Variants in AVL9 observed in about 807,000 individuals in gnomAD.
AVL9 encodes late secretory pathway protein AVL9 homolog.
Under a neutral mutation model 79.2 loss-of-function variants are expected in AVL9, and 49 were observed. The ratio of observed to expected loss-of-function variants is 0.62; its 90% CI spans 0.49 to 0.79. The LOEUF (loss-of-function observed/expected upper bound fraction) is 0.79, where lower values mean the gene tolerates loss of function less well. Ranked by LOEUF, AVL9 falls within the 30% of genes least tolerant of loss-of-function variation. The pLI, the probability that AVL9 is intolerant of heterozygous loss-of-function variation, is 0.00. For missense variants in AVL9, 682 were observed against 776.8 expected (o/e 0.88, Z 1.45); for synonymous variants, 299 against 280.6 (o/e 1.07, Z -0.65).
At position 32,588,173 on chromosome 7, in the gene AVL9, C is replaced by G. The variant is rs889980729; in HGVS notation, c.*4266C>G. The G allele has an allele frequency of 6.6e-6, 1 of 152,122 alleles. No homozygotes were observed. Among genetic ancestry groups the G allele is most frequent in the African/African-American group, 2.4e-5 (1 of 41,424 alleles). 9.4% of individuals were successfully genotyped at this position (152,122 alleles called of 1,614,324 possible). ...TCTCACACCCACGTAGTATGCTGCTCAAATTTTTTCGTGTGTGCAAATGTG... is the reference window on the plus strand; with the variant it reads ...TCTCACACCCACGTAGTATGCTGCTGAAATTTTTTCGTGTGTGCAAATGTG... On this transcript the variant is annotated 3_prime_UTR_variant, in exon 16 of 16. Coordinates refer to ENST00000318709, the MANE Select transcript of AVL9 (RefSeq NM_015060.3).
chr7:32,519,819 C>A (rs947749506), intron 1 of AVL9, among the ~76,000 whole-genome samples: 12 of 152,164 alleles, frequency 7.9e-5, no homozygotes, highest in Non-Finnish European at 1.0e-4. Flanking sequence ...TTAATTGACT[C>A]ACAGTTCTGC....
intron 1 of AVL9, among the ~76,000 whole-genome samples, chr7:32,542,003 C>T (rs1003512315): frequency 2.6e-5 from 4 of 152,066 alleles, no homozygotes; most frequent in African/African-American, 7.2e-5. Context: ...TGTGAGCCAC[C>T]GTGCCCAGCC....
intron 1 of AVL9, chr7:32,538,822 G>T (rs1169269040): frequency 6.6e-6 from 1 of 152,336 alleles, no homozygotes; most frequent in East Asian, 1.9e-4. Context: ...ATGCAGGAAA[G>T]AATTCAGGGC....
chr7:32,580,490 C>A (rs1583612511), intron 14 of AVL9, among the ~76,000 whole-genome samples: 1 of 152,154 alleles, frequency 6.6e-6, no homozygotes, highest in African/African-American at 2.4e-5. Context: ...ACAGGATTTA[C>A]CATTTTTATT....
intron 1 of AVL9, chr7:32,533,593 T>G (rs1232618912): frequency 6.6e-6 from 1 of 152,236 alleles, no homozygotes; most frequent in African/African-American, 2.4e-5. Flanking sequence ...AGAAAACATG[T>G]CTGATGCCCA....
chr7:32,545,271 C>CT (rs1006863828), intron 3 of AVL9, among the ~76,000 whole-genome samples: 22 of 133,262 alleles, frequency 1.7e-4, no homozygotes, highest in South Asian at 4.9e-4. Flanking sequence ...CTGTGCCTTG[C>CT]TTTTTTTTTT....
chr7:32,538,651 C>T (rs1335049807), intron 1 of AVL9: 1 of 152,144 alleles, frequency 6.6e-6, no homozygotes, highest in Admixed American at 6.6e-5. Flanking sequence ...CCTCTGCTAG[C>T]AGTGTATATA....
chr7:32,534,420 G>A (rs2128130206), intron 1 of AVL9: 1 of 151,562 alleles, frequency 6.6e-6, no homozygotes, highest in East Asian at 1.9e-4. Flanking sequence ...GCAAACAGAA[G>A]TTTATTAACA....
At chr7:32,516,772 A>AT (rs1020693251) in intron 1 of AVL9, among the ~76,000 whole-genome samples, 92 of 151,652 alleles carry the variant, frequency 6.1e-4, no homozygotes, top group African/African-American at 2.1e-3. Context: ...CCTTTAAAAA[A>AT]AAAAAAAAAA....
chr7:32,514,239 C>G (rs1156444566), intron 1 of AVL9, among the ~76,000 whole-genome samples: 1 of 152,204 alleles, frequency 6.6e-6, no homozygotes, highest in African/African-American at 2.4e-5. Flanking sequence ...CTTAGGCTGT[C>G]TCAGTGGGGA....
Position 32,503,407 on chromosome 7 carries a change from A to ACACACACACACACAC in AVL9, c.93+7605_93+7606insCACACACACACACAC, listed in dbSNP as rs1477431265. Among the ~76,000 whole-genome samples the ACACACACACACACAC allele has an allele frequency of 2.7e-3, 161 of 60,302 alleles. 1 individual carries two copies. Among genetic ancestry groups the ACACACACACACACAC allele is most frequent in the Middle Eastern group, 0.018 (2 of 114 alleles). The allele number at this position is 60,302 out of a possible 152,430, so 39.6% of individuals were successfully genotyped here. A position where few individuals can be genotyped will look rare whatever the true frequency, so the allele number is the denominator to read the frequency against. On this transcript the variant is annotated intron_variant, in intron 1 of 15. Coordinates refer to ENST00000318709, the MANE Select transcript of AVL9 (RefSeq NM_015060.3). ...ACACACACACACACACACACACACA[A>ACACACACACACACAC]ATTAGCCGGGCTTGGTGGCACGTGC...
intron 1 of AVL9, among the ~76,000 whole-genome samples, chr7:32,502,162 G>A (rs1787154615): frequency 1.3e-5 from 2 of 151,856 alleles, no homozygotes; most frequent in Admixed American, 1.3e-4. Flanking sequence ...CCAGGAGTTC[G>A]AGACCAGCCT....
rs189342862 is a variant in AVL9, at chr7:32,523,878, T to C, written c.94-19263T>C. Among the ~76,000 whole-genome samples the C allele has an allele frequency of 4.0e-3, 607 of 151,622 alleles. 5 individuals carry two copies. The highest frequency in any genetic ancestry group is 0.014 in the African/African-American group (579 of 41,328). ...CCTCCCAAGTAGCTGGGATTACAGGTGCCCACCACCACGCCCGGCTAATTT... is the reference window on the plus strand; with the variant it reads ...CCTCCCAAGTAGCTGGGATTACAGGCGCCCACCACCACGCCCGGCTAATTT... On this transcript the variant is annotated intron_variant, in intron 1 of 15. Coordinates refer to ENST00000318709, the MANE Select transcript of AVL9 (RefSeq NM_015060.3).
intron 1 of AVL9, among the ~76,000 whole-genome samples, 172 bp downstream of exon 1, chr7:32,495,974 T>G (rs1583469639): frequency 7.6e-6 from 1 of 132,282 alleles, no homozygotes; most frequent in Non-Finnish European, 1.6e-5. Flanking sequence ...CCGCCCCACA[T>G]GAAGCCCAGC....
chr7:32,531,956 G>A (rs188239628), intron 1 of AVL9: 1 of 152,416 alleles, frequency 6.6e-6, no homozygotes, highest in Non-Finnish European at 1.5e-5. Flanking sequence ...TGAGGCAGGT[G>A]TCCTCCACCA....
intron 1 of AVL9, among the ~76,000 whole-genome samples, chr7:32,517,811 GT>G (rs143487006): frequency 2.3e-4 from 29 of 128,634 alleles, no homozygotes; most frequent in African/African-American, 7.2e-4. Context: ...TTGCTTGTGT[GT>G]TTTTTTTTTG....
chr7:32,503,711 C>G (rs1420739810), intron 1 of AVL9, among the ~76,000 whole-genome samples: 1 of 151,006 alleles, frequency 6.6e-6, no homozygotes, highest in African/African-American at 2.4e-5. Flanking sequence ...GAGACGGAGT[C>G]TCACTCTGCC....
intron 1 of AVL9, among the ~76,000 whole-genome samples, chr7:32,520,660 C>T (rs1025956751): frequency 3.9e-5 from 6 of 152,186 alleles, no homozygotes; most frequent in African/African-American, 1.4e-4. Context: ...TATTCTCCCA[C>T]TGAATATGCC....
chr7:32,511,064 C>T (rs1349545317), intron 1 of AVL9, among the ~76,000 whole-genome samples: 12 of 142,398 alleles, frequency 8.4e-5, no homozygotes, highest in Non-Finnish European at 3.1e-5. Context: ...TGTGGGAGTC[C>T]ACAGTCCTGG....
Sources: gnomAD v4.1 joint callset for allele counts (sites outside exome capture counted in the v4.1 genomes callset) on GRCh38, gnomAD v4.1.1 for gene constraint, MANE v1.5 for transcripts, NCBI Gene and HGNC (gene_info 2026-07-23, HGNC 2026-07-21) for gene names.